Variants in SLC23A2 observed in about 807,000 individuals in gnomAD.
SLC23A2 encodes the protein Na(+)/L-ascorbic acid transporter 2.
A neutral mutation model predicts 73.3 loss-of-function variants in SLC23A2; 36 were observed. That is an observed-to-expected ratio of 0.49 (90% CI 0.38 to 0.65). The LOEUF (loss-of-function observed/expected upper bound fraction) is 0.65, where lower values mean the gene tolerates loss of function less well. Ranked by LOEUF, SLC23A2 falls within the 30% of genes least tolerant of loss-of-function variation. The pLI, the probability that SLC23A2 is intolerant of heterozygous loss-of-function variation, is 0.00. For missense variants in SLC23A2, 507 were observed against 841.6 expected, an observed-to-expected ratio of 0.60 and a Z score of 4.92; for synonymous variants, 343 against 327.3, an observed-to-expected ratio of 1.05 and a Z score of -0.52.
At chr20:4,894,896 T>C (rs910593170) in intron 6 of SLC23A2, among the ~76,000 whole-genome samples, 1 of 152,194 alleles carries the variant, frequency 6.6e-6, no homozygotes, top group Non-Finnish European at 1.5e-5. Flanking sequence ...CAAGAGCCCA[T>C]GTGAAATGAG....
At chr20:4,988,445 A>G (rs2122309249) in intron 1 of SLC23A2, among the ~76,000 whole-genome samples, 1 of 152,278 alleles carries the variant, frequency 6.6e-6, no homozygotes, top group East Asian at 1.9e-4. Context: ...TCTATTAAAA[A>G]TACAAAAATT....
At chr20:4,918,437 A>G (rs1160973388) in intron 3 of SLC23A2, among the ~76,000 whole-genome samples, 1 of 152,194 alleles carries the variant, frequency 6.6e-6, no homozygotes, top group African/African-American at 2.4e-5. Flanking sequence ...TTTGCATTGT[A>G]TTTACTGAGC....
chr20:4,943,179 C>T (rs13039282), intron 2 of SLC23A2, among the ~76,000 whole-genome samples: 2 of 151,842 alleles, frequency 1.3e-5, no homozygotes, highest in Non-Finnish European at 2.9e-5. Flanking sequence ...TCCATAAATG[C>T]TAATGAAATT....
chr20:4,913,020 A>G, intron 3 of SLC23A2, 42 bp from the exon 4 acceptor site: 1 of 1,321,376 alleles, frequency 7.6e-7, no homozygotes. Flanking sequence ...AGCGTGAACC[A>G]CATTTTCCTC....
rs1931801295 is a variant in SLC23A2 at position 4,902,888 on chromosome 20, GAT to G, written c.208-332_208-331del. ...TGTTCCCAGGTTGAGACCACAAAAT[GAT>G]ACCTTGGCACGAGCAGTCCTTGCGT... On this transcript the variant is annotated intron_variant, in intron 4 of 16. Coordinates refer to ENST00000338244, the MANE Select transcript of SLC23A2 (RefSeq NM_005116.6). The surrounding 1 kb of genome is among the most constrained non-coding windows in gnomAD (Gnocchi z 4.0). 6.6e-6 allele frequency among the ~76,000 whole-genome samples: 1 copy of G among 152,034 alleles called. No individual in the cohort carries two copies. The highest frequency in any genetic ancestry group is 2.4e-5 in the African/African-American group (1 of 41,392).
chr20:4,943,494 C>T (rs1349607415), intron 2 of SLC23A2, among the ~76,000 whole-genome samples: 1 of 145,476 alleles, frequency 6.9e-6, no homozygotes, highest in African/African-American at 2.8e-5. Flanking sequence ...GTGACGAAAC[C>T]CCATTTCTAC....
rs183165831 is a variant in SLC23A2 at position 4,975,689 on chromosome 20, T to C, written c.-281-4770A>G. ...AGCCACCGTGCCCCGCCTGTTTTTT[T>C]TTTTTTAATTTTTGCAAATATGACA... On this transcript the variant is annotated intron_variant, in intron 1 of 16. Coordinates refer to ENST00000338244, the MANE Select transcript of SLC23A2 (RefSeq NM_005116.6). Among the ~76,000 whole-genome samples the C allele has an allele frequency of 5.1e-3, 772 of 151,316 alleles. 4 individuals are homozygous for C. Among genetic ancestry groups the C allele is most frequent in the Middle Eastern group, 0.01 (3 of 292 alleles).
intron 1 of SLC23A2, among the ~76,000 whole-genome samples, chr20:4,979,988 A>AC (rs1049999635): frequency 2.0e-5 from 3 of 152,160 alleles, no homozygotes; most frequent in Non-Finnish European, 2.9e-5. Flanking sequence ...GGCAAAAAAA[A>AC]CCACAATAAG....
At chr20:4,882,139 G>A (rs1930910387) in intron 9 of SLC23A2, among the ~76,000 whole-genome samples, 1 of 152,084 alleles carries the variant, frequency 6.6e-6, no homozygotes, top group African/African-American at 2.4e-5. Context: ...CATTTCGGGA[G>A]GCCAAGGTGG....
intron 1 of SLC23A2, among the ~76,000 whole-genome samples, chr20:4,971,638 T>G (rs1200825232): frequency 7.1e-6 from 1 of 141,672 alleles, no homozygotes; most frequent in Non-Finnish European, 1.5e-5. Context: ...AAAAAAAAAA[T>G]TATCTCGTCG....
chr20:4,917,084 C>G (rs1279331450), intron 3 of SLC23A2, among the ~76,000 whole-genome samples: 2 of 152,304 alleles, frequency 1.3e-5, no homozygotes, highest in African/African-American at 2.4e-5. Context: ...AGAATGCAGT[C>G]CTGCCTCCCT....
chr20:4,911,022 G>A (rs1181358712), intron 4 of SLC23A2, among the ~76,000 whole-genome samples: 7 of 152,150 alleles, frequency 4.6e-5, no homozygotes, highest in Admixed American at 6.6e-5. Context: ...TTCTAAAGAC[G>A]ATCTCCAGAC....
chr20:5,004,719 G>T (rs1363248196), upstream of SLC23A2, among the ~76,000 whole-genome samples: 1 of 152,136 alleles, frequency 6.6e-6, no homozygotes, highest in East Asian at 1.9e-4. Context: ...AAAAGTTTAG[G>T]CCGGGTGCGG....
intron 2 of SLC23A2, among the ~76,000 whole-genome samples, chr20:4,945,762 A>C (rs1373650002): frequency 6.6e-6 from 1 of 152,202 alleles, no homozygotes; most frequent in African/African-American, 2.4e-5. Context: ...GCTGTGGGTC[A>C]GGGGAAAAGA....
intron 2 of SLC23A2, among the ~76,000 whole-genome samples, chr20:4,956,926 G>A (rs564289198): frequency 1.3e-5 from 2 of 148,658 alleles, no homozygotes; most frequent in South Asian, 2.2e-4. Context: ...TCCTGCCTCC[G>A]CCTCCCAAGT....
intron 6 of SLC23A2, among the ~76,000 whole-genome samples, chr20:4,893,422 T>C (rs912281807): frequency 6.6e-6 from 1 of 152,176 alleles, no homozygotes; most frequent in South Asian, 2.1e-4. Context: ...TACCCCAACA[T>C]ACATATACAG....
Position 4,899,716 on chromosome 20 carries a change from T to C in SLC23A2, c.325-4A>G. On this transcript the variant is annotated splice_polypyrimidine_tract_variant and splice_region_variant and intron_variant, in intron 5 of 16. Coordinates refer to ENST00000338244, the MANE Select transcript of SLC23A2 (RefSeq NM_005116.6). This position sits in a 1 kb window ranked among gnomAD's most constrained non-coding sequence, Gnocchi z 4.9. ...CGCTGAAGCATGTCAGGTAGTGCTG[T>C]GGGCAGGAAAAGGGTCAGAGGAGAA... is the stretch of plus-strand genomic sequence containing the variant. The C allele has an allele frequency of 1.2e-6, 2 of 1,613,990 alleles. No homozygotes were observed.
intron 3 of SLC23A2, among the ~76,000 whole-genome samples, chr20:4,924,386 C>G (rs544083695): frequency 1.3e-5 from 2 of 152,284 alleles, no homozygotes; most frequent in East Asian, 3.9e-4. Context: ...CTCATCCAGC[C>G]CAAAAGCACA....
intron 13 of SLC23A2, among the ~76,000 whole-genome samples, chr20:4,864,872 G>C (rs1930130099): frequency 6.6e-6 from 1 of 152,184 alleles, no homozygotes; most frequent in African/African-American, 2.4e-5. Context: ...AGGCCTGTTA[G>C]GTATGAAGGG....
Sources: allele counts gnomAD v4.1 joint callset (sites outside exome capture counted in the v4.1 genomes callset), GRCh38; gene constraint gnomAD v4.1.1; non-coding constraint Gnocchi (gnomAD v3.1); transcripts MANE v1.5; gene names NCBI Gene and HGNC (gene_info 2026-07-23, HGNC 2026-07-21).